The following RHBG variants were observed in gnomAD, a reference collection of about 807,000 sequenced individuals.
The protein encoded by RHBG is ammonium transporter Rh type B.
In RHBG, 39 loss-of-function variants were observed where a neutral mutation model predicts 40.1. That is an observed-to-expected ratio of 0.97 (90% confidence interval 0.75 to 1.27). RHBG has a LOEUF of 1.27. RHBG is among the 50% of genes most tolerant of loss of function. RHBG has a pLI of 0.00. For missense variants in RHBG, 549 were observed against 588.1 expected, an observed-to-expected ratio of 0.93 and a Z score of 0.69; for synonymous variants, 237 against 252.5, an observed-to-expected ratio of 0.94 and a Z score of 0.58.
chr1:156,378,281 C>G lies in RHBG; in HGVS notation c.555C>G (p.Ile185Met). 3.1e-6 allele frequency: 5 copies of G among 1,614,054 alleles called. No homozygotes were observed. The highest frequency in any genetic ancestry group is 3.4e-6 in the Non-Finnish European group (4 of 1,180,008). Reference sequence around the variant, plus strand: ...GAGATGCCGGAGGCTCCATGACTATCCACACCTTTGGTGCCTACTTCGGGC... The same window carrying G: ...GAGATGCCGGAGGCTCCATGACTATGCACACCTTTGGTGCCTACTTCGGGC... ...GVRDAGGSMT[I>M]HTFGAYFGLV... The change falls in exon 4 of 10, where the codon ATC becomes ATG. Residue 185 changes from isoleucine (I) to methionine (M), a missense_variant. Ile to Met is a conservative substitution (Grantham distance 10, BLOSUM62 1). This residue lies in a region of RHBG where 399 missense variants were observed against 417.0 expected (regional missense o/e 0.96). Coordinates refer to ENST00000537040, the MANE Select transcript of RHBG (RefSeq NM_020407.5).
Position 156,382,766 on chromosome 1 carries a change from A to T in RHBG, c.1131A>T (p.Pro377=), listed in dbSNP as rs780781897. 3 of 1,613,128 alleles carry T rather than the reference A, an allele frequency of 1.9e-6. No homozygotes were observed. Among genetic ancestry groups the T allele is most frequent in the Non-Finnish European group, 2.5e-6 (3 of 1,179,824 alleles). Reference sequence around the variant, plus strand: ...CCTGCAGCCTGGAGAGTGTGTTTCCACTCATAGCCGAGGGCCAGCGCAGTG... The same window carrying T: ...CCTGCAGCCTGGAGAGTGTGTTTCCTCTCATAGCCGAGGGCCAGCGCAGTG... ...AYGDGLESVF[P]LIAEGQRSAT... The change falls in exon 8 of 10, where the codon CCA becomes CCT. Residue 377 remains proline (P), a synonymous_variant. Coordinates refer to ENST00000537040, the MANE Select transcript of RHBG (RefSeq NM_020407.5).
intron 3 of RHBG, 53 bp from the exon 4 acceptor site, chr1:156,378,199 G>C (rs1667357655): frequency 1.6e-6 from 2 of 1,212,392 alleles, no homozygotes; most frequent in African/African-American, 3.3e-5. Context: ...CAGCCTCTGA[G>C]CCAGGAGCGT....
At chr1:156,382,649 T>C (rs1667738534) in intron 7 of RHBG, 99 bp from the exon 8 acceptor site, 1 of 1,456,034 alleles carries the variant, frequency 6.9e-7, no homozygotes, top group African/African-American at 1.4e-5. Context: ...CCACTTCCTG[T>C]TCCCCAGTGT....
chr1:156,374,546 T>G, intron 1 of RHBG: 1 of 426,082 alleles, frequency 2.3e-6, no homozygotes, highest in Admixed American at 2.7e-5. Context: ...ACTTATAATG[T>G]CCTCCAGTTC....
At chr1:156,380,248 T>C (rs1187310036) in intron 4 of RHBG, among the ~76,000 whole-genome samples, 3 of 151,668 alleles carry the variant, frequency 2.0e-5, no homozygotes, top group Non-Finnish European at 4.4e-5. Flanking sequence ...GGAGCTGGGA[T>C]TACAGGAGTG....
At chr1:156,381,245 T>C in intron 4 of RHBG, 102 bp from the exon 5 acceptor site, 1 of 1,210,970 alleles carries the variant, frequency 8.3e-7, no homozygotes, top group Non-Finnish European at 1.2e-6. Flanking sequence ...ATGAGGAAAC[T>C]GAGGCTGCTG....
At position 156,382,854 on chromosome 1, in the gene RHBG, G is replaced by A; in HGVS notation, c.1219G>A (p.Gly407Ser). Residue 407 changes from glycine to serine, a missense_variant, in exon 8 of 10, where the codon GGC becomes AGC. Around this residue, in one of 3 missense-constraint regions of RHBG, gnomAD observed 399 missense variants for 417.0 expected, o/e 0.96. Coordinates refer to ENST00000537040, the MANE Select transcript of RHBG (RefSeq NM_020407.5). Reference protein sequence around the residue: ...LFVTLMFASVGGGLGGLLLKL... With the variant: ...LFVTLMFASVSGGLGGLLLKL... ...TGTCACACTGATGTTTGCCTCTGTG[G>A]GCGGGGGCCTTGGAGGTGAGTAACC... 6.2e-7 allele frequency: 1 copy of A among 1,614,228 alleles called. No individual in the cohort carries two copies. Among genetic ancestry groups the A allele is most frequent in the South Asian group, 1.1e-5 (1 of 91,090 alleles).
At chr1:156,379,986 C>T (rs1167852962) in intron 4 of RHBG, among the ~76,000 whole-genome samples, 2 of 152,340 alleles carry the variant, frequency 1.3e-5, no homozygotes, top group Non-Finnish European at 2.9e-5. Context: ...CTCTCCCAAA[C>T]ACTGAAGGGT....
intron 1 of RHBG, among the ~76,000 whole-genome samples, chr1:156,375,699 A>G (rs1263235007): frequency 1.3e-5 from 2 of 151,864 alleles, no homozygotes; most frequent in Non-Finnish European, 2.9e-5. Context: ...GGTGTGCCTC[A>G]TCAGATTCCA....
rs374252974 is a variant in RHBG at position 156,382,880 on chromosome 1, T to C, written c.1234+11T>C. The C allele has an allele frequency of 6.8e-6, 11 of 1,614,202 alleles. No individual in the cohort carries two copies. In the African/African-American group the frequency reaches 8.0e-5, roughly 12 times the overall value. Reference sequence around the variant, plus strand: ...GCGGGGGCCTTGGAGGTGAGTAACCTTGGATTTTCTAGAGGAAGGGGCATG... The same window carrying C: ...GCGGGGGCCTTGGAGGTGAGTAACCCTGGATTTTCTAGAGGAAGGGGCATG... On this transcript the variant is annotated intron_variant, in intron 8 of 9. Transcript: ENST00000537040.
chr1:156,382,651 C>A, intron 7 of RHBG, 97 bp from the exon 8 acceptor site: 1 of 1,466,590 alleles, frequency 6.8e-7, no homozygotes, highest in Non-Finnish European at 9.4e-7. Context: ...ACTTCCTGTT[C>A]CCCAGTGTGA....
At chr1:156,381,750 G>A (rs1393441865) in intron 5 of RHBG, 56 bp from the exon 6 acceptor site, 6 of 1,545,994 alleles carry the variant, frequency 3.9e-6, no homozygotes, top group Non-Finnish European at 5.2e-6. Flanking sequence ...TGTAGGGTTG[G>A]GTTGCTGTGG....
rs768198899 is a variant in RHBG, at chr1:156,378,286, C to A, written c.560C>A (p.Thr187Asn). 7.4e-6 allele frequency: 12 copies of A among 1,613,964 alleles called. No individual in the cohort carries two copies. Among genetic ancestry groups the A allele is most frequent in the Non-Finnish European group, 1.0e-5 (12 of 1,180,028 alleles). Residue 187 changes from threonine to asparagine, a missense_variant, in exon 4 of 10, where the codon ACC becomes AAC. Thr to Asn is a moderately conservative substitution (Grantham distance 65). Around this residue, in one of 3 missense-constraint regions of RHBG, gnomAD observed 399 missense variants for 417.0 expected, o/e 0.96. Coordinates refer to ENST00000537040, the MANE Select transcript of RHBG (RefSeq NM_020407.5). Reference protein sequence around the residue: ...RDAGGSMTIHTFGAYFGLVLS... With the variant: ...RDAGGSMTIHNFGAYFGLVLS... ...GCCGGAGGCTCCATGACTATCCACA[C>A]CTTTGGTGCCTACTTCGGGCTCGTC...
At chr1:156,382,459 T>C (rs562270451) in intron 7 of RHBG, 2 of 627,648 alleles carry the variant, frequency 3.2e-6, no homozygotes, top group African/African-American at 1.8e-5. Flanking sequence ...GATAATGACC[T>C]TTAGGATCTA....
intron 1 of RHBG, 32 bp downstream of exon 1, chr1:156,369,468 A>G (rs766276628): frequency 6.4e-7 from 1 of 1,564,138 alleles, no homozygotes; most frequent in Non-Finnish European, 8.7e-7. Context: ...GCGGGAAGCA[A>G]AGACCCCAAG....
At chr1:156,381,548 G>T in intron 5 of RHBG, 35 bp downstream of exon 5, 2 of 1,575,564 alleles carry the variant, frequency 1.3e-6, no homozygotes, top group Non-Finnish European at 1.7e-6. Context: ...GGCAGAGGGG[G>T]TGGCCTGGGC....
rs780302544 is a variant in RHBG at position 156,384,771 on chromosome 1, T to C, written c.1309-6T>C. On this transcript the variant is annotated splice_polypyrimidine_tract_variant and splice_region_variant and intron_variant, in intron 9 of 9. Transcript: ENST00000537040. Reference sequence around the variant, plus strand: ...CCTTTCACCTCTACCCACTCCTGCCTTCCAGGTGCCTGGCGAGCATGAGGA... The same window carrying C: ...CCTTTCACCTCTACCCACTCCTGCCCTCCAGGTGCCTGGCGAGCATGAGGA... The C allele has an allele frequency of 4.3e-6, 7 of 1,613,816 alleles. No individual in the cohort carries two copies. The African/African-American group carries it at 9.3e-5, about 22-fold the overall frequency.
Position 156,369,286 on chromosome 1 carries a change from C to G in RHBG, c.37C>G (p.Leu13Val). Residue 13 changes from leucine to valine, a missense_variant, in exon 1 of 10, where the codon CTG (leucine) becomes GTG (valine). Leu to Val is a conservative substitution (Grantham distance 32, BLOSUM62 1). This residue lies in a region of RHBG where 99 missense variants were observed against 85.2 expected (regional missense o/e 1.16). Coordinates refer to ENST00000537040, the MANE Select transcript of RHBG (RefSeq NM_020407.5). ...GSPSRAAGRR[L>V]QLPLLCLFLQ... ...TCCTAGCCGCGCCGCGGGCCGGCGA[C>G]TGCAGCTTCCCCTGCTGTGCCTCTT... 1 of 1,613,982 alleles carries G rather than the reference C, an allele frequency of 6.2e-7. No individual in the cohort carries two copies. Among genetic ancestry groups the G allele is most frequent in the South Asian group, 1.1e-5 (1 of 91,078 alleles).
chr1:156,384,609 T>C lies in RHBG; in HGVS notation c.1308+9T>C. On this transcript the variant is annotated intron_variant, in intron 9 of 9. Transcript: ENST00000537040. ...ACCAAGTTCACTGGCAGGTGAGACA[T>C]TGCTGGGCTCTCACACCCTCTGAGT... 1 of 1,567,852 alleles carries C rather than the reference T, an allele frequency of 6.4e-7. No homozygotes were observed. The highest frequency in any genetic ancestry group is 8.7e-7 in the Non-Finnish European group (1 of 1,154,094).
Sources: allele counts gnomAD v4.1 joint callset (sites outside exome capture counted in the v4.1 genomes callset), GRCh38; gene constraint gnomAD v4.1.1; regional missense constraint gnomAD v4.1.1; transcripts MANE v1.5; gene names NCBI Gene and HGNC (gene_info 2026-07-23, HGNC 2026-07-21).